Variants in ATXN10 observed in about 807,000 individuals in gnomAD.
ATXN10 encodes ataxin 10.
In ATXN10, 28 loss-of-function variants were observed where a neutral mutation model predicts 52.9. The observed-to-expected ratio is 0.53, with a 90% CI of 0.39 to 0.73. The LOEUF (loss-of-function observed/expected upper bound fraction) is 0.73. ATXN10 is among the 30% of genes least tolerant of loss of function. The pLI, the probability that ATXN10 is intolerant of heterozygous loss-of-function variation, is 0.00. For missense variants in ATXN10, 565 were observed against 577.0 expected (o/e 0.98, Z 0.21); for synonymous variants, 226 against 221.5 (o/e 1.02, Z -0.18).
At chr22:45,804,799 A>T (rs1601657381) in intron 9 of ATXN10, among the ~76,000 whole-genome samples, 1 of 152,306 alleles carries the variant, frequency 6.6e-6, no homozygotes, top group African/African-American at 2.4e-5. Context: ...CAGAGTCTCC[A>T]TTCCTGTTTC....
intron 9 of ATXN10, 98 bp downstream of exon 9, chr22:45,740,636 CT>C: frequency 1.8e-6 from 2 of 1,081,526 alleles, no homozygotes; most frequent in Non-Finnish European, 1.4e-6. Context: ...GCTTGAGGTG[CT>C]TAGAAAGTAG....
At position 45,808,908 on chromosome 22, in the gene ATXN10, C is replaced by T. The variant is rs116196680; in HGVS notation, c.1237+1886C>T. ...TAATCAGTGAAATATTGCAAGATCACGGAATCTCCTGAATCATTAAGAAAA... is the reference window on the plus strand; with the variant it reads ...TAATCAGTGAAATATTGCAAGATCATGGAATCTCCTGAATCATTAAGAAAA... On this transcript the variant is annotated intron_variant, in intron 10 of 11. Transcript: ENST00000252934. 6.9e-3 allele frequency among the ~76,000 whole-genome samples: 1,045 copies of T among 152,276 alleles called. 11 individuals carry two copies. Among genetic ancestry groups the T allele is most frequent in the African/African-American group, 0.023 (975 of 41,538 alleles).
chr22:45,844,755 C>T lies in ATXN10; in HGVS notation c.*1084C>T, dbSNP rs1322281718. On this transcript the variant is annotated 3_prime_UTR_variant, in exon 12 of 12. Transcript: ENST00000252934. ...CAACCATATCGCTAAACTAATATAT[C>T]CAGAGATTTTGCACAATTCGTGTTG... The T allele has an allele frequency of 6.6e-6, 1 of 152,164 alleles. No homozygotes were observed. Among genetic ancestry groups the T allele is most frequent in the East Asian group, 1.9e-4 (1 of 5,192 alleles). 9.4% of individuals were successfully genotyped at this position (152,164 alleles called of 1,614,324 possible).
At chr22:45,831,959 C>G (rs1461908481) in intron 10 of ATXN10, among the ~76,000 whole-genome samples, 1 of 152,208 alleles carries the variant, frequency 6.6e-6, no homozygotes, top group Non-Finnish European at 1.5e-5. Context: ...GTCACCTGTA[C>G]CCACCACCTG....
chr22:45,841,521 G>A lies in ATXN10; in HGVS notation c.1238-1470G>A, dbSNP rs1929346080. On this transcript the variant is annotated intron_variant, in intron 10 of 11. Coordinates refer to ENST00000252934, the MANE Select transcript of ATXN10 (RefSeq NM_013236.4). This position sits in a 1 kb window ranked among gnomAD's most constrained non-coding sequence, Gnocchi z 5.1. ...GACACAGGCCAGGAGCTTAAGTGCT[G>A]TGAGTAGGGAAGCAGAGAGGACCCT... Among the ~76,000 whole-genome samples the A allele has an allele frequency of 6.6e-6, 1 of 152,230 alleles. No homozygotes were observed. Among genetic ancestry groups the A allele is most frequent in the Non-Finnish European group, 1.5e-5 (1 of 68,026 alleles).
At chr22:45,801,219 C>T (rs112903671) in intron 9 of ATXN10, among the ~76,000 whole-genome samples, 2,134 of 152,258 alleles carry the variant, frequency 0.014, 32 homozygotes, top group South Asian at 0.021. Flanking sequence ...AACACTGATG[C>T]GCAGAAATGC....
chr22:45,833,862 C>T lies in ATXN10; in HGVS notation c.1238-9129C>T, dbSNP rs574634714. ...CGCGAGAGCACACTTAGCAGCGATA[C>T]GGCATCGCGATCAGGGGAGCGGATG... On this transcript the variant is annotated intron_variant, in intron 10 of 11. Transcript: ENST00000252934. The surrounding 1 kb of genome is among the most constrained non-coding windows in gnomAD (Gnocchi z 4.3). Among the ~76,000 whole-genome samples, 16 of 152,294 alleles carry T rather than the reference C, an allele frequency of 1.1e-4. No homozygotes were observed. The highest frequency in any genetic ancestry group is 2.4e-4 in the African/African-American group (10 of 41,550).
chr22:45,788,560 G>A (rs188235597), intron 9 of ATXN10, among the ~76,000 whole-genome samples: 1 of 151,676 alleles, frequency 6.6e-6, no homozygotes, highest in Admixed American at 6.6e-5. Flanking sequence ...TCTTCGTGCC[G>A]CTCTTGCTCC....
rs1927258740 is a variant in ATXN10 at position 45,784,556 on chromosome 22, G to A, written c.1174-22403G>A. On this transcript the variant is annotated intron_variant, in intron 9 of 11. Transcript: ENST00000252934. The surrounding 1 kb of genome is among the most constrained non-coding windows in gnomAD (Gnocchi z 4.2). ...TCCACATGTCTTGCCTTGGAGGTCT[G>A]TGCTAGGCTGTCAGGAGGTGTGGAT... Among the ~76,000 whole-genome samples, 1 of 152,164 alleles carries A rather than the reference G, an allele frequency of 6.6e-6. No individual in the cohort carries two copies. The highest frequency in any genetic ancestry group is 1.5e-5 in the Non-Finnish European group (1 of 68,032).
intron 9 of ATXN10, among the ~76,000 whole-genome samples, chr22:45,797,751 A>G (rs1927793858): frequency 6.6e-6 from 1 of 152,236 alleles, no homozygotes; most frequent in African/African-American, 2.4e-5. Context: ...AAGTCCATGT[A>G]ATCAGAAGCT....
rs1312262950 is a variant in ATXN10, at chr22:45,818,862, T to G, written c.1237+11840T>G. On this transcript the variant is annotated intron_variant, in intron 10 of 11. Transcript: ENST00000252934. This position sits in a 1 kb window ranked among gnomAD's most constrained non-coding sequence, Gnocchi z 4.6. ...TGATTGCCTGTTCCTAAGGACCTGCTCCTTAGAGCCAAGCCCCGTGACTGA... is the reference window on the plus strand; with the variant it reads ...TGATTGCCTGTTCCTAAGGACCTGCGCCTTAGAGCCAAGCCCCGTGACTGA... Among the ~76,000 whole-genome samples, 1 of 152,142 alleles carries G rather than the reference T, an allele frequency of 6.6e-6. No homozygotes were observed. Among genetic ancestry groups the G allele is most frequent in the African/African-American group, 2.4e-5 (1 of 41,436 alleles).
chr22:45,814,570 A>C (rs189373841), intron 10 of ATXN10, among the ~76,000 whole-genome samples: 1 of 152,252 alleles, frequency 6.6e-6, no homozygotes, highest in South Asian at 2.1e-4. Context: ...ATGTCTGCTA[A>C]CATTAAACAT....
In ATXN10 at chr22:45,740,679, TACACACACACACAC is replaced by T. The variant is rs74268525; in HGVS notation, c.1173+169_1173+182del. 182 of 391,984 alleles carry T rather than the reference TACACACACACACAC, an allele frequency of 4.6e-4. 1 individual carries two copies. Among genetic ancestry groups the T allele is most frequent in the African/African-American group, 1.9e-3 (82 of 44,232 alleles). 24.3% of individuals were successfully genotyped at this position (391,984 alleles called of 1,614,324 possible). On this transcript the variant is annotated intron_variant, in intron 9 of 11. Transcript: ENST00000252934. ...TAGAGAGATATATATTTTATATGAA[TACACACACACACAC>T]ACACACACACACACACACACACACA... is the stretch of plus-strand genomic sequence containing the variant.
Position 45,718,580 on chromosome 22 carries a change from G to C in ATXN10, c.728+87G>C. ...GTGACTGAAAAGCTGTGTGGTTTCT[G>C]AGTTGGCACAGAATCTCTAAATACA... is the stretch of plus-strand genomic sequence containing the variant. On this transcript the variant is annotated intron_variant, in intron 6 of 11. Transcript: ENST00000252934. This position sits in a 1 kb window ranked among gnomAD's most constrained non-coding sequence, Gnocchi z 4.4. The C allele has an allele frequency of 3.4e-6, 4 of 1,189,674 alleles. No homozygotes were observed. Among genetic ancestry groups the C allele is most frequent in the Non-Finnish European group, 5.0e-6 (4 of 794,254 alleles). 73.7% of individuals were successfully genotyped at this position (1,189,674 alleles called of 1,614,324 possible).
chr22:45,800,677 C>CCA lies in ATXN10; in HGVS notation c.1174-6282_1174-6281insCA, dbSNP rs1601654970. Among the ~76,000 whole-genome samples the CCA allele has an allele frequency of 2.6e-5, 4 of 152,320 alleles. No individual in the cohort carries two copies. In the East Asian group the frequency reaches 7.7e-4, roughly 29 times the overall value. ...GCATCTCCATTCATTGCGGATAAAA[C>CCA]TGGTATCAACCCAGTGGCCATCAAC... On this transcript the variant is annotated intron_variant, in intron 9 of 11. Coordinates refer to ENST00000252934, the MANE Select transcript of ATXN10 (RefSeq NM_013236.4).
At chr22:45,779,221 A>G (rs1259736725) in intron 9 of ATXN10, among the ~76,000 whole-genome samples, 5 of 152,194 alleles carry the variant, frequency 3.3e-5, no homozygotes, top group African/African-American at 1.2e-4. Flanking sequence ...AATGCATAAT[A>G]TTGGAGTAAC....
At chr22:45,672,231 TC>T (rs1922481761) in intron 1 of ATXN10, 52 bp downstream of exon 1, 3 of 1,436,754 alleles carry the variant, frequency 2.1e-6, no homozygotes, top group Non-Finnish European at 2.7e-6. Context: ...CGGCCGGGAC[TC>T]CCGCGGCGGC....
intron 10 of ATXN10, chr22:45,811,671 CAAT>C (rs1238302960): frequency 2.1e-5 from 10 of 468,168 alleles, no homozygotes; most frequent in African/African-American, 1.2e-4. Context: ...GATGTTCACA[CAAT>C]GATGATATTG....
intron 3 of ATXN10, among the ~76,000 whole-genome samples, chr22:45,697,776 G>A (rs570897560): frequency 5.0e-4 from 76 of 152,030 alleles, no homozygotes; most frequent in Non-Finnish European, 8.8e-4. Flanking sequence ...GACTACAGGC[G>A]CCCGCCACCA....
Sources: gnomAD v4.1 joint callset for allele counts (sites outside exome capture counted in the v4.1 genomes callset) on GRCh38, gnomAD v4.1.1 for gene constraint, Gnocchi (gnomAD v3.1) non-coding constraint, MANE v1.5 for transcripts, NCBI Gene and HGNC (gene_info 2026-07-23, HGNC 2026-07-21) for gene names.